The following C6orf52 variants were observed in gnomAD, a reference collection of about 807,000 sequenced individuals.
C6orf52 encodes chromosome 6 open reading frame 52, also known as putative uncharacterized protein C6orf52.
In C6orf52, 16 loss-of-function variants were observed where a neutral mutation model predicts 16.6. The ratio of observed to expected loss-of-function variants is 0.96; its 90% CI spans 0.65 to 1.46. C6orf52 has a LOEUF of 1.46. C6orf52 is among the 40% of genes most tolerant of loss of function. C6orf52 has a pLI of 0.00. For missense variants in C6orf52, 166 were observed against 182.3 expected (o/e 0.91, Z 0.52); for synonymous variants, 53 against 61.4 (o/e 0.86, Z 0.64).
chr6:10,691,364 G>A (rs1374425850), intron 1 of C6orf52, among the ~76,000 whole-genome samples: 1 of 152,120 alleles, frequency 6.6e-6, no homozygotes, highest in African/African-American at 2.4e-5. Context: ...CTCTAAGGAG[G>A]TCCGTGTGAG....
intron 1 of C6orf52, among the ~76,000 whole-genome samples, chr6:10,692,553 G>A (rs1321858125): frequency 2.0e-5 from 3 of 151,946 alleles, no homozygotes; most frequent in African/African-American, 7.3e-5. Context: ...CGATTCTCCC[G>A]CCTCACCCTC....
Position 10,688,199 on chromosome 6 carries a change from G to GTT in C6orf52, c.-11-640_-11-639dup, listed in dbSNP as rs776752770. Among the ~76,000 whole-genome samples the GTT allele has an allele frequency of 9.2e-3, 1,337 of 145,466 alleles. 13 individuals are homozygous for GTT. The highest frequency in any genetic ancestry group is 0.035 in the African/African-American group (1,261 of 36,014). The stretch of plus-strand genomic sequence containing the variant: ...TTTAAAGAAATATTTCTCTGGTTCA[G>GTT]TTTTTTTTTTTAAAAAAAGCATAAA... On this transcript the variant is annotated intron_variant, in intron 1 of 4. Transcript: ENST00000259983.
chr6:10,694,811 C>T (rs1337104976), upstream of C6orf52: 3 of 557,624 alleles, frequency 5.4e-6, no homozygotes, highest in Non-Finnish European at 9.5e-6. Context: ...GTGACCTCCC[C>T]GCGCTTAAAG....
intron 4 of C6orf52, among the ~76,000 whole-genome samples, chr6:10,675,993 G>A (rs146731045): frequency 6.7e-5 from 10 of 149,032 alleles, no homozygotes; most frequent in East Asian, 5.8e-4. Context: ...TTAGCTGGGC[G>A]TGGTGGCGAG....
At chr6:10,682,261 A>G (rs1379622044) in intron 4 of C6orf52, among the ~76,000 whole-genome samples, 2 of 152,252 alleles carry the variant, frequency 1.3e-5, no homozygotes, top group African/African-American at 4.8e-5. Context: ...AATAAATTGC[A>G]TAACTGATAA....
At chr6:10,684,118 C>A (rs980218202) in intron 3 of C6orf52, among the ~76,000 whole-genome samples, 3 of 152,116 alleles carry the variant, frequency 2.0e-5, no homozygotes, top group Admixed American at 2.0e-4. Flanking sequence ...CCATAAATTT[C>A]AAAAGACAAT....
At chr6:10,688,368 T>C (rs543450877) in intron 1 of C6orf52, among the ~76,000 whole-genome samples, 2 of 152,358 alleles carry the variant, frequency 1.3e-5, no homozygotes, top group East Asian at 3.9e-4. Context: ...TTACACAGTG[T>C]CAAAATTCAG....
At chr6:10,680,372 C>G (rs1027245885) in intron 4 of C6orf52, among the ~76,000 whole-genome samples, 1 of 152,168 alleles carries the variant, frequency 6.6e-6, no homozygotes, top group African/African-American at 2.4e-5. Context: ...ATGAATACCA[C>G]TTGTTCATGA....
intron 1 of C6orf52, among the ~76,000 whole-genome samples, chr6:10,688,439 T>C (rs867261985): frequency 1.3e-5 from 2 of 152,218 alleles, no homozygotes; most frequent in Non-Finnish European, 1.5e-5. Flanking sequence ...AGCTTGCTAA[T>C]AACTAAGTTC....
chr6:10,689,981 C>T (rs2127471751), intron 1 of C6orf52, among the ~76,000 whole-genome samples: 1 of 152,184 alleles, frequency 6.6e-6, no homozygotes, highest in East Asian at 1.9e-4. Flanking sequence ...TTTTTTCTCT[C>T]ACTTTAGGAC....
intron 4 of C6orf52, 86 bp from the exon 5 acceptor site, chr6:10,671,684 A>G: frequency 1.1e-6 from 1 of 878,644 alleles, no homozygotes; most frequent in Non-Finnish European, 1.7e-6. Flanking sequence ...AGCTTTTAGA[A>G]AGCATTTGCA....
chr6:10,684,940 TA>T, intron 3 of C6orf52: 1 of 1,246,304 alleles, frequency 8.0e-7, no homozygotes, highest in Non-Finnish European at 1.0e-6. Context: ...CCACAAAAGA[TA>T]ACATATTTAT....
intron 3 of C6orf52, chr6:10,684,766 G>A: frequency 1.3e-6 from 1 of 773,672 alleles, no homozygotes; most frequent in Non-Finnish European, 1.9e-6. Context: ...GGAATGACTA[G>A]GACATCTTGG....
chr6:10,675,021 G>C (rs1767758675), intron 4 of C6orf52, among the ~76,000 whole-genome samples: 1 of 152,050 alleles, frequency 6.6e-6, no homozygotes, highest in Non-Finnish European at 1.5e-5. Context: ...ATGTTGGTCA[G>C]GCTGGTCTCA....
chr6:10,694,628 C>A, upstream of C6orf52: 4 of 195,998 alleles, frequency 2.0e-5, no homozygotes, highest in South Asian at 2.5e-4. Flanking sequence ...GCCCCACCTC[C>A]TCCTGATGTC....
chr6:10,683,309 ACT>A (rs1768568515), intron 3 of C6orf52, 77 bp from the exon 4 acceptor site: 2 of 862,750 alleles, frequency 2.3e-6, no homozygotes, highest in Admixed American at 2.9e-5. Flanking sequence ...ATTGGGAAAA[ACT>A]CTAGCTCTCA....
chr6:10,687,635 A>G, intron 1 of C6orf52, 74 bp from the exon 2 acceptor site: 1 of 836,452 alleles, frequency 1.2e-6, no homozygotes, highest in Non-Finnish European at 2.0e-6. Flanking sequence ...AAACCTCTCA[A>G]TCCTGACAAA....
At chr6:10,686,917 C>G in intron 3 of C6orf52, 49 bp downstream of exon 3, 1 of 1,326,710 alleles carries the variant, frequency 7.5e-7, no homozygotes, top group Non-Finnish European at 1.0e-6. Context: ...GTGATGTTTA[C>G]TATTATTGGG....
Position 10,684,827 on chromosome 6 carries a change from G to C in C6orf52, c.271-1595C>G, listed in dbSNP as rs763434457. On this transcript the variant is annotated intron_variant, in intron 3 of 4. Coordinates refer to ENST00000259983, the MANE Select transcript of C6orf52 (RefSeq NM_001145020.3). ...CCAAAATGGGGATGTGGGAGTAAAA[G>C]AGCGCCACCACAGAGGCTTACCATC... 4 of 1,284,922 alleles carry C rather than the reference G, an allele frequency of 3.1e-6. No individual in the cohort carries two copies. In the South Asian group the frequency reaches 3.7e-5, roughly 12 times the overall value. 79.6% of individuals were successfully genotyped at this position (1,284,922 alleles called of 1,614,324 possible).
Sources: gnomAD v4.1 joint callset for allele counts (sites outside exome capture counted in the v4.1 genomes callset) on GRCh38, gnomAD v4.1.1 for gene constraint, MANE v1.5 for transcripts, NCBI Gene and HGNC (gene_info 2026-07-23, HGNC 2026-07-21) for gene names.